Variants in MYO18B observed in about 807,000 individuals in gnomAD.
MYO18B encodes the protein unconventional myosin-XVIIIb.
Under a neutral mutation model 273.0 loss-of-function variants are expected in MYO18B, and 204 were observed. The observed-to-expected ratio is 0.75, with a 90% CI of 0.67 to 0.84. The LOEUF (loss-of-function observed/expected upper bound fraction) is 0.84, where lower values mean the gene tolerates loss of function less well. Among genes scored for constraint, MYO18B ranks in the 40% least tolerant of loss-of-function variants. MYO18B has a pLI of 0.00. For missense variants in MYO18B, 3,212 were observed against 3,287.6 expected (o/e 0.98, Z 0.56); for synonymous variants, 1,330 against 1,305.7 (o/e 1.02, Z -0.40).
chr22:25,825,529 T>C (rs944371214), intron 13 of MYO18B, among the ~76,000 whole-genome samples: 2 of 152,218 alleles, frequency 1.3e-5, no homozygotes, highest in African/African-American at 4.8e-5. Flanking sequence ...GGGATGCATA[T>C]ACATGCGTGT....
At chr22:25,930,749 C>A (rs1412428944) in intron 34 of MYO18B, among the ~76,000 whole-genome samples, 1 of 152,132 alleles carries the variant, frequency 6.6e-6, no homozygotes, top group Non-Finnish European at 1.5e-5. Context: ...GCAGGGACTA[C>A]AGGCCACATC....
chr22:25,898,431 G>T lies in MYO18B; in HGVS notation c.4793G>T (p.Arg1598Leu). The T allele has an allele frequency of 6.2e-7, 1 of 1,613,764 alleles. No individual in the cohort carries two copies. The highest frequency in any genetic ancestry group is 8.5e-7 in the Non-Finnish European group (1 of 1,179,800). Residue 1598 changes from arginine to leucine, a missense_variant, in exon 29 of 44, where the codon CGA (arginine) becomes CTA (leucine). Arg to Leu is a moderately radical substitution (Grantham distance 102, BLOSUM62 -2). Coordinates refer to ENST00000335473, the MANE Select transcript of MYO18B (RefSeq NM_032608.7). ...GTCCTGCTAGAGAACCAACAAAGTC[G>T]AAACCATGAGCTGGAGAAGAAGCAG... ...TCVLLENQQS[R>L]NHELEKKQKK... is the part of the protein sequence containing the mutation.
intron 34 of MYO18B, 56 bp from the exon 35 acceptor site, chr22:25,946,081 C>G: frequency 3.0e-6 from 1 of 338,766 alleles, no homozygotes; most frequent in South Asian, 3.1e-5. Context: ...CACCTCCCTT[C>G]CCCTCTTCCC....
At chr22:25,908,941 T>C (rs1203441356) in intron 32 of MYO18B, among the ~76,000 whole-genome samples, 1 of 152,248 alleles carries the variant, frequency 6.6e-6, no homozygotes, top group South Asian at 2.1e-4. Flanking sequence ...TGCAGAGATA[T>C]CATTTTCACT....
intron 11 of MYO18B, among the ~76,000 whole-genome samples, chr22:25,787,048 T>C (rs1806037964): frequency 1.3e-5 from 2 of 152,036 alleles, no homozygotes; most frequent in South Asian, 2.1e-4. Flanking sequence ...ACCCCATCTC[T>C]ACTAAAAATA....
chr22:25,811,312 C>T (rs748332774), intron 12 of MYO18B, among the ~76,000 whole-genome samples: 13 of 152,178 alleles, frequency 8.5e-5, no homozygotes, highest in Admixed American at 3.3e-4. Context: ...CATGAGCCAC[C>T]GCGCCAGGCT....
chr22:25,943,523 G>A (rs373060188), intron 34 of MYO18B, among the ~76,000 whole-genome samples: 6 of 151,988 alleles, frequency 3.9e-5, no homozygotes, highest in African/African-American at 1.4e-4. Context: ...TGTGACCCGC[G>A]TCCACATCTT....
chr22:25,902,510 T>C (rs2091958140), intron 29 of MYO18B, 103 bp from the exon 30 acceptor site: 1 of 1,320,936 alleles, frequency 7.6e-7, no homozygotes. Flanking sequence ...CTAATGGTTC[T>C]TGGGAAACTA....
intron 39 of MYO18B, among the ~76,000 whole-genome samples, chr22:25,957,905 G>A (rs937477369): frequency 5.5e-5 from 8 of 146,608 alleles, no homozygotes; most frequent in African/African-American, 1.5e-4. Context: ...ATCTACAAAC[G>A]CTTTTGCTTT....
In MYO18B at chr22:26,027,515, C is replaced by T; in HGVS notation, c.7541C>T (p.Ser2514Phe). 1 of 1,613,984 alleles carries T rather than the reference C, an allele frequency of 6.2e-7. No individual in the cohort carries two copies. Among genetic ancestry groups the T allele is most frequent in the Non-Finnish European group, 8.5e-7 (1 of 1,179,892 alleles). Residue 2514 changes from serine (S) to phenylalanine (F), a missense_variant, in exon 43 of 44, where the codon TCC becomes TTC. Ser to Phe is a radical substitution (Grantham distance 155). Coordinates refer to ENST00000335473, the MANE Select transcript of MYO18B (RefSeq NM_032608.7). This position sits in a 1 kb window ranked among gnomAD's most constrained non-coding sequence, Gnocchi z 4.1. ...HLSDSSSSSGSIVSFKSADSI... is the reference protein window; with the variant it reads ...HLSDSSSSSGFIVSFKSADSI... ...TCTGACTCGTCCTCATCCTCCGGCT[C>T]CATCGTGTCCTTCAAAAGTGCTGAC...
chr22:25,850,439 T>C (rs557833103), intron 20 of MYO18B, among the ~76,000 whole-genome samples: 2 of 152,304 alleles, frequency 1.3e-5, no homozygotes, highest in South Asian at 4.1e-4. Context: ...TTCATCTCTC[T>C]GGGGCTCAAT....
At chr22:25,808,537 T>C (rs754574482) in intron 12 of MYO18B, among the ~76,000 whole-genome samples, 3 of 152,122 alleles carry the variant, frequency 2.0e-5, no homozygotes, top group Admixed American at 1.3e-4. Flanking sequence ...GCCAAGCTGG[T>C]GGGTACATTC....
rs150984363 is a variant in MYO18B, at chr22:26,004,626, A to G, written c.6333-92A>G. 7.4e-6 allele frequency: 11 copies of G among 1,491,736 alleles called. No individual in the cohort carries two copies. The East Asian group carries it at 2.3e-4, about 31-fold the overall frequency. The allele number at this position is 1,491,736 out of a possible 1,614,324, so 92.4% of individuals were successfully genotyped here. A position where few individuals can be genotyped will look rare whatever the true frequency, so the allele number is the denominator to read the frequency against. ...AGGTTATGCAGGTATATCACTTAGC[A>G]CAATGCCTGGCTTATGCTATGGGTG... On this transcript the variant is annotated intron_variant, in intron 41 of 43. Coordinates refer to ENST00000335473, the MANE Select transcript of MYO18B (RefSeq NM_032608.7).
intron 22 of MYO18B, among the ~76,000 whole-genome samples, chr22:25,871,151 A>G (rs544318700): frequency 5.0e-4 from 76 of 152,246 alleles, no homozygotes; most frequent in South Asian, 1.5e-3. Context: ...GGAGAAGGCT[A>G]TGAAGCTCAG....
chr22:25,924,029 A>G (rs1002008867), intron 34 of MYO18B, among the ~76,000 whole-genome samples: 1 of 152,162 alleles, frequency 6.6e-6, no homozygotes, highest in African/African-American at 2.4e-5. Context: ...TCCGGCTCCT[A>G]TCAAAGGAAA....
intron 25 of MYO18B, chr22:25,884,973 T>A (rs546848394): frequency 1.3e-5 from 2 of 152,314 alleles, no homozygotes; most frequent in South Asian, 4.2e-4. Context: ...ATATATTTTT[T>A]AAATGTTTAC....
chr22:26,045,945 A>C, the MYO18B span, among the ~76,000 whole-genome samples: 1 of 152,252 alleles, frequency 6.6e-6, no homozygotes, highest in Admixed American at 6.5e-5. Context: ...ACAATGAGTT[A>C]GTTGTGCTCT....
At chr22:25,884,052 C>A (rs1489701079) in intron 25 of MYO18B, among the ~76,000 whole-genome samples, 1 of 152,108 alleles carries the variant, frequency 6.6e-6, no homozygotes, top group South Asian at 2.1e-4. Flanking sequence ...GATTTTCCCC[C>A]CAAGACCTTA....
At chr22:25,794,121 G>C (rs538824836) in intron 11 of MYO18B, among the ~76,000 whole-genome samples, 1 of 152,170 alleles carries the variant, frequency 6.6e-6, no homozygotes, top group Admixed American at 6.5e-5. Context: ...TTTTGGTAGA[G>C]ACGGGGTTTC....
Sources: gnomAD v4.1 joint callset for allele counts (sites outside exome capture counted in the v4.1 genomes callset) on GRCh38, gnomAD v4.1.1 for gene constraint, Gnocchi (gnomAD v3.1) non-coding constraint, MANE v1.5 for transcripts, NCBI Gene and HGNC (gene_info 2026-07-23, HGNC 2026-07-21) for gene names.